Variants in SACS observed in about 807,000 individuals in gnomAD.
SACS encodes sacsin molecular chaperone, also known as sacsin.
In SACS, 197 loss-of-function variants were observed where a neutral mutation model predicts 348.0. The observed-to-expected ratio is 0.57, with a 90% CI of 0.50 to 0.64. SACS has a LOEUF of 0.64. Among genes scored for constraint, SACS ranks in the 30% least tolerant of loss-of-function variants. The pLI is 0.00. For synonymous variants in SACS, 1,985 were observed against 1,910.6 expected, an observed-to-expected ratio of 1.04 and a Z score of -1.02; for missense variants, 4,999 against 5,360.8, an observed-to-expected ratio of 0.93 and a Z score of 2.11.
At chr13:23,398,492 C>T (rs112035992) in intron 2 of SACS, among the ~76,000 whole-genome samples, 1 of 149,456 alleles carries the variant, frequency 6.7e-6, no homozygotes. Flanking sequence ...CGAGATGGCA[C>T]CATTACACTC....
Position 23,341,566 on chromosome 13 carries a change from G to A in SACS, c.2310C>T (p.Asn770=). ...LIVQWYPFDE[N]RNHPSVSWLK... ...GCCATGAAACAGATGGGTGATTTCT[G>A]TTTTCATCAAATGGATACCATTGAA... The change falls in exon 10 of 10, where the codon AAC becomes AAT. Residue 770 remains asparagine, a synonymous_variant. Coordinates refer to ENST00000382292, the MANE Select transcript of SACS (RefSeq NM_014363.6). 6.2e-7 allele frequency: 1 copy of A among 1,614,050 alleles called. No individual in the cohort carries two copies. The highest frequency in any genetic ancestry group is 8.5e-7 in the Non-Finnish European group (1 of 1,180,012).
In SACS at chr13:23,334,977, G is replaced by A. The variant is rs746834684; in HGVS notation, c.8899C>T (p.Arg2967Cys). Residue 2967 changes from arginine to cysteine, a missense_variant, in exon 10 of 10, where the codon CGT (arginine) becomes TGT (cysteine). Transcript: ENST00000382292. ...KKFLSFFPVN[R>C]LDLQPDLYCL... ...TATAAATCTGGCTGTAGATCAAGAC[G>A]GTTAACTGGGAAAAACGATAAAAAC... is the stretch of plus-strand genomic sequence containing the variant. 1.4e-5 allele frequency: 22 copies of A among 1,613,688 alleles called. No individual in the cohort carries two copies. The highest frequency in any genetic ancestry group is 1.8e-5 in the Non-Finnish European group (21 of 1,179,836).
chr13:23,381,355 G>GCA (rs71100174), intron 2 of SACS, among the ~76,000 whole-genome samples: 5,399 of 140,010 alleles, frequency 0.039, 192 homozygotes, highest in African/African-American at 0.096. Flanking sequence ...GCAGCACGAA[G>GCA]CACACACACA....
Position 23,332,662 on chromosome 13 carries a change from A to G in SACS, c.11214T>C (p.Asn3738=), listed in dbSNP as rs776619164. 1.2e-6 allele frequency: 2 copies of G among 1,613,714 alleles called. No individual in the cohort carries two copies. Among genetic ancestry groups the G allele is most frequent in the Non-Finnish European group, 1.7e-6 (2 of 1,179,950 alleles). The stretch of plus-strand genomic sequence containing the variant: ...TATCAAGAGGAGGATCCAGGTTAAC[A>G]TTAAGCATATTTAAAACTTGTTCAA... ...EQLEQVLNML[N]VNLDPPLDKV... is the part of the protein sequence containing the mutation. Residue 3738 remains asparagine (N), a synonymous_variant, in exon 10 of 10, where the codon AAT becomes AAC. Coordinates refer to ENST00000382292, the MANE Select transcript of SACS (RefSeq NM_014363.6).
At chr13:23,379,268 G>A (rs966806132) in intron 2 of SACS, among the ~76,000 whole-genome samples, 2 of 152,192 alleles carry the variant, frequency 1.3e-5, no homozygotes, top group African/African-American at 4.8e-5. Flanking sequence ...GACCTGGGAG[G>A]TGTTCCTCTC....
In SACS at chr13:23,336,967, T is replaced by C; in HGVS notation, c.6909A>G (p.Ser2303=). 6.2e-7 allele frequency: 1 copy of C among 1,614,016 alleles called. No individual in the cohort carries two copies. The highest frequency in any genetic ancestry group is 8.5e-7 in the Non-Finnish European group (1 of 1,179,888). ...GGTACAGTGTAATTCCATCATCAAC[T>C]GATTTTGCTACTTCTTTCAATTGGT... The part of the protein sequence containing the change: ...VINQLKEVAK[S]VDDGITLYQE... Residue 2303 remains serine (S), a synonymous_variant, in exon 10 of 10, where the codon TCA becomes TCG. Coordinates refer to ENST00000382292, the MANE Select transcript of SACS (RefSeq NM_014363.6).
Position 23,334,928 on chromosome 13 carries a change from T to C in SACS, c.8948A>G (p.Asn2983Ser), listed in dbSNP as rs200106708. ...ACGTTTCATGTCTTCGTGAATGCAA[T>C]TGTAAAGTGCTTTCACTAGACAATA... is the stretch of plus-strand genomic sequence containing the variant. ...DLYCLVKALY[N>S]CIHEDMKRLL... The change falls in exon 10 of 10, where the codon AAT (asparagine) becomes AGT (serine). Residue 2983 changes from asparagine to serine, a missense_variant. Coordinates refer to ENST00000382292, the MANE Select transcript of SACS (RefSeq NM_014363.6). 196 of 1,613,888 alleles carry C rather than the reference T, an allele frequency of 1.2e-4. 1 individual carries two copies. In the East Asian group the frequency reaches 1.6e-3, roughly 13 times the overall value.
chr13:23,335,861 G>A lies in SACS; in HGVS notation c.8015C>T (p.Ala2672Val), dbSNP rs1445218901. The change falls in exon 10 of 10, where the codon GCA (alanine) becomes GTA (valine). Residue 2672 changes from alanine to valine, a missense_variant. Physicochemically the swap from Ala to Val is moderately conservative, Grantham distance 64. This residue lies in a region of SACS where 3,156 missense variants were observed against 3,380.1 expected (regional missense o/e 0.93). Transcript: ENST00000382292. The surrounding 1 kb of genome is among the most constrained non-coding windows in gnomAD (Gnocchi z 4.7). ...ATCTGAGAACTGTGTCCTAAAATCT[G>A]CATCCAAATCTCTAAACATGCGTCC... ...SPGRMFRDLD[A>V]DFRTQFSDVL... 1 of 1,613,932 alleles carries A rather than the reference G, an allele frequency of 6.2e-7. No homozygotes were observed. Among genetic ancestry groups the A allele is most frequent in the African/African-American group, 1.3e-5 (1 of 75,030 alleles).
chr13:23,375,428 C>T, intron 2 of SACS, 159 bp from the exon 3 acceptor site: 1 of 1,201,520 alleles, frequency 8.3e-7, no homozygotes, highest in Middle Eastern at 3.3e-4. Flanking sequence ...CCGGCCCTAC[C>T]GCGTCCACAG....
At chr13:23,397,430 G>A (rs1872752907) in intron 2 of SACS, among the ~76,000 whole-genome samples, 1 of 152,114 alleles carries the variant, frequency 6.6e-6, no homozygotes, top group Non-Finnish European at 1.5e-5. Flanking sequence ...ACTAAGATTG[G>A]ATTAATTTAT....
intron 9 of SACS, among the ~76,000 whole-genome samples, chr13:23,346,620 G>A (rs903800547): frequency 2.0e-5 from 3 of 152,074 alleles, no homozygotes; most frequent in African/African-American, 4.8e-5. Context: ...TGGTTTTACC[G>A]TGGTATTTGT....
rs573974189 is a variant in SACS, at chr13:23,387,365, A to G, written c.21-12096T>C. The stretch of plus-strand genomic sequence containing the variant: ...TAGTCCCAGCTACTCAGGAGGCTGA[A>G]GCAGGAGAATGGCGTGAACCCGGGA... On this transcript the variant is annotated intron_variant, in intron 2 of 9. Transcript: ENST00000382292. 2.1e-3 allele frequency among the ~76,000 whole-genome samples: 313 copies of G among 150,818 alleles called. 1 individual carries two copies. The highest frequency in any genetic ancestry group is 7.1e-3 in the African/African-American group (293 of 41,276).
chr13:23,338,547 A>G lies in SACS; in HGVS notation c.5329T>C (p.Leu1777=). The stretch of plus-strand genomic sequence containing the variant: ...GGACCTCTAAAAAGTGGCGACTGTA[A>G]ATCAGCAATCCTTCTGAACACATGG... ...FHHVFRRIAD[L]QSPLFRGPDD... Residue 1777 remains leucine, a synonymous_variant, in exon 10 of 10, where the codon TTA becomes CTA. Transcript: ENST00000382292. 1 of 1,614,156 alleles carries G rather than the reference A, an allele frequency of 6.2e-7. No homozygotes were observed. The highest frequency in any genetic ancestry group is 8.5e-7 in the Non-Finnish European group (1 of 1,180,008).
chr13:23,389,819 C>T (rs1872457842), intron 2 of SACS, among the ~76,000 whole-genome samples: 1 of 152,190 alleles, frequency 6.6e-6, no homozygotes. Flanking sequence ...ATCAGTTCTA[C>T]TCTTTCTGCT....
At chr13:23,430,133 G>C (rs1179420167) in intron 1 of SACS, among the ~76,000 whole-genome samples, 1 of 152,040 alleles carries the variant, frequency 6.6e-6, no homozygotes, top group East Asian at 1.9e-4. Flanking sequence ...ACTGGAACCC[G>C]GGAAGTGGAG....
intron 1 of SACS, among the ~76,000 whole-genome samples, chr13:23,431,798 G>A (rs1034060381): frequency 7.9e-5 from 12 of 152,202 alleles, no homozygotes; most frequent in African/African-American, 2.9e-4. Context: ...AACTGAATAT[G>A]TATTTTGTAC....
intron 3 of SACS, among the ~76,000 whole-genome samples, chr13:23,372,003 ATT>A (rs939376449): frequency 6.6e-6 from 1 of 151,872 alleles, no homozygotes; most frequent in African/African-American, 2.4e-5. Flanking sequence ...TTTGAAAAAA[ATT>A]TTTTTTTAAA....
In SACS at chr13:23,358,467, C is replaced by T; in HGVS notation, c.472G>A (p.Val158Met). 1 of 1,614,110 alleles carries T rather than the reference C, an allele frequency of 6.2e-7. No homozygotes were observed. Among genetic ancestry groups the T allele is most frequent in the Non-Finnish European group, 8.5e-7 (1 of 1,180,030 alleles). ...MAPYQGPALYVYNNAVFTPED... is the reference protein window; with the variant it reads ...MAPYQGPALYMYNNAVFTPED... ...GGGGTGAAAACCGCGTTGTTGTACA[C>T]ATAGAGAGCTGGCCCTAGGTGTGAA... Residue 158 changes from valine to methionine, a missense_variant, in exon 7 of 10, where the codon GTG (valine) becomes ATG (methionine). Coordinates refer to ENST00000382292, the MANE Select transcript of SACS (RefSeq NM_014363.6).
intron 1 of SACS, among the ~76,000 whole-genome samples, chr13:23,413,273 C>T (rs765663758): frequency 8.5e-5 from 13 of 152,308 alleles, no homozygotes; most frequent in African/African-American, 3.1e-4. Flanking sequence ...CCACTGCGCC[C>T]GGCCGGCAAA....
Sources: gnomAD v4.1 joint callset for allele counts (sites outside exome capture counted in the v4.1 genomes callset) on GRCh38, gnomAD v4.1.1 for gene constraint, gnomAD v4.1.1 regional missense constraint, Gnocchi (gnomAD v3.1) non-coding constraint, MANE v1.5 for transcripts, NCBI Gene and HGNC (gene_info 2026-07-23, HGNC 2026-07-21) for gene names.